EGFR: variants seen among roughly 807,000 people sequenced by gnomAD.
The protein encoded by EGFR is avian erythroblastic leukemia viral (v-erb-b) oncogene homolog.
EGFR carries 58 observed loss-of-function variants against 143.0 expected under a neutral mutation model. The ratio of observed to expected loss-of-function variants is 0.41; its 90% CI spans 0.33 to 0.50. The LOEUF is 0.50. Among genes scored for constraint, EGFR ranks in the 20% least tolerant of loss-of-function variants. EGFR has a pLI of 0.39. For synonymous variants in EGFR, 613 were observed against 594.4 expected (o/e 1.03, Z -0.45); for missense variants, 1,307 against 1,579.0 (o/e 0.83, Z 2.92).
intron 15 of EGFR, among the ~76,000 whole-genome samples, chr7:55,169,597 G>A (rs1427790793): frequency 6.6e-6 from 1 of 152,072 alleles, no homozygotes. Flanking sequence ...GGGAGCCAGA[G>A]AATAATTTTT....
At chr7:55,107,197 G>A (rs1265284571) in intron 1 of EGFR, among the ~76,000 whole-genome samples, 3 of 152,170 alleles carry the variant, frequency 2.0e-5, no homozygotes, top group Non-Finnish European at 2.9e-5. Context: ...TAACAATTAT[G>A]TATTTCTTCC....
rs2128975175 is a variant in EGFR at position 55,205,315 on chromosome 7, C to T, written c.3331C>T (p.His1111Tyr). 1.2e-6 allele frequency: 2 copies of T among 1,612,306 alleles called. No homozygotes were observed. The highest frequency in any genetic ancestry group is 1.7e-6 in the Non-Finnish European group (2 of 1,179,040). The part of the protein sequence containing the change: ...PAGSVQNPVY[H>Y]NQPLNPAPSR... ...TGGCTCTGTGCAGAATCCTGTCTAT[C>T]ACAATCAGCCTCTGAACCCCGCGCC... The change falls in exon 28 of 28, where the codon CAC (histidine) becomes TAC (tyrosine). Residue 1111 changes from histidine (H) to tyrosine (Y), a missense_variant. By Grantham distance (83) the His-to-Tyr change is moderately conservative. This residue lies in a region of EGFR where 313 missense variants were observed against 312.3 expected (regional missense o/e 1.00). Coordinates refer to ENST00000275493, the MANE Select transcript of EGFR (RefSeq NM_005228.5).
At chr7:55,028,025 T>TACACAC (rs5884398) in intron 1 of EGFR, among the ~76,000 whole-genome samples, 1 of 101,648 alleles carries the variant, frequency 9.8e-6, no homozygotes, top group African/African-American at 4.8e-5. Flanking sequence ...TATATATATA[T>TACACAC]ACACACACAC....
intron 1 of EGFR, among the ~76,000 whole-genome samples, chr7:55,061,649 T>TGAGAGAGAGA (rs1174312198): frequency 1.9e-4 from 25 of 132,816 alleles, no homozygotes; most frequent in Middle Eastern, 4.1e-3. Context: ...TGTGTGTGTG[T>TGAGAGAGAGA]GAGAGAGAGA....
chr7:55,024,602 A>C (rs894188763), intron 1 of EGFR, among the ~76,000 whole-genome samples: 1 of 152,260 alleles, frequency 6.6e-6, no homozygotes, highest in African/African-American at 2.4e-5. Flanking sequence ...GCCCTGACTT[A>C]GTTTAAATAA....
intron 1 of EGFR, among the ~76,000 whole-genome samples, chr7:55,137,417 A>G (rs971236114): frequency 6.6e-6 from 1 of 152,216 alleles, no homozygotes; most frequent in African/African-American, 2.4e-5. Context: ...AGTAATATAG[A>G]TTTGCCCAGG....
At chr7:55,176,436 T>C (rs1786592725) in intron 19 of EGFR, among the ~76,000 whole-genome samples, 1 of 152,158 alleles carries the variant, frequency 6.6e-6, no homozygotes. Flanking sequence ...GAAGCGTCCA[T>C]GGGCCTGGCA....
At chr7:55,165,036 T>C (rs1785897120) in intron 14 of EGFR, among the ~76,000 whole-genome samples, 1 of 152,194 alleles carries the variant, frequency 6.6e-6, no homozygotes, top group Non-Finnish European at 1.5e-5. Flanking sequence ...ATGTAGAGAA[T>C]ATCATTTCTT....
chr7:55,048,842 A>G (rs1040386402), intron 1 of EGFR, among the ~76,000 whole-genome samples: 4 of 152,230 alleles, frequency 2.6e-5, no homozygotes, highest in Non-Finnish European at 4.4e-5. Context: ...AATAACTTAG[A>G]AAAGTTTTCT....
chr7:55,205,137 C>T, intron 27 of EGFR, 119 bp from the exon 28 acceptor site: 2 of 1,491,192 alleles, frequency 1.3e-6, no homozygotes, highest in Non-Finnish European at 1.8e-6. Flanking sequence ...CCTCCCGAGG[C>T]TCCTGCTCCC....
chr7:55,150,945 C>G (rs41298767), intron 4 of EGFR, among the ~76,000 whole-genome samples: 1 of 152,308 alleles, frequency 6.6e-6, no homozygotes, highest in East Asian at 1.9e-4. Context: ...CTCAGCCAGA[C>G]GAGACACTCT....
chr7:55,019,881 T>C (rs1583838514), intron 1 of EGFR, among the ~76,000 whole-genome samples: 2 of 151,968 alleles, frequency 1.3e-5, no homozygotes, highest in South Asian at 4.2e-4. Context: ...CAGCCTCCCC[T>C]CGGACCCCGC....
chr7:55,203,663 ACACACATACACACACCACACACAC>A (rs1395366536), intron 27 of EGFR, among the ~76,000 whole-genome samples: 2 of 136,576 alleles, frequency 1.5e-5, no homozygotes, highest in Non-Finnish European at 3.4e-5. Context: ...CACACCACAC[ACACACATACACACACCACACACAC>A]CACACATACA....
intron 1 of EGFR, among the ~76,000 whole-genome samples, chr7:55,059,835 G>A (rs537309616): frequency 4.2e-4 from 64 of 152,176 alleles, no homozygotes; most frequent in Middle Eastern, 6.8e-3. Flanking sequence ...GCGTTACATC[G>A]TCCTTATAAG....
chr7:55,201,597 G>C (rs545190234), intron 25 of EGFR, 138 bp from the exon 26 acceptor site: 1 of 1,230,090 alleles, frequency 8.1e-7, no homozygotes, highest in East Asian at 2.4e-5. Context: ...AAACCTAGTT[G>C]CTCTAAAACT....
intron 6 of EGFR, 138 bp downstream of exon 6, chr7:55,152,802 G>C: frequency 1.4e-6 from 1 of 697,756 alleles, no homozygotes. Flanking sequence ...CCTCTGCCTG[G>C]TGACAAAGTA....
chr7:55,157,634 G>T (rs1785494384), intron 10 of EGFR, 29 bp from the exon 11 acceptor site: 1 of 1,597,946 alleles, frequency 6.3e-7, no homozygotes, highest in Non-Finnish European at 8.6e-7. Flanking sequence ...TACGTGGTGT[G>T]TGTCTGAAGT....
chr7:55,178,957 C>T (rs1786727089), intron 19 of EGFR, among the ~76,000 whole-genome samples: 1 of 152,198 alleles, frequency 6.6e-6, no homozygotes, highest in Non-Finnish European at 1.5e-5. Flanking sequence ...AGGTATGTGC[C>T]TAGATCTGCC....
chr7:55,047,072 G>A (rs993483041), intron 1 of EGFR, among the ~76,000 whole-genome samples: 8 of 152,162 alleles, frequency 5.3e-5, no homozygotes, highest in East Asian at 3.8e-4. Flanking sequence ...AAAAGTTACC[G>A]GTACGATAGG....
Sources: allele counts gnomAD v4.1 joint callset (sites outside exome capture counted in the v4.1 genomes callset), GRCh38; gene constraint gnomAD v4.1.1; regional missense constraint gnomAD v4.1.1; transcripts MANE v1.5; gene names NCBI Gene and HGNC (gene_info 2026-07-23, HGNC 2026-07-21).